P3H2: variants seen among roughly 807,000 people sequenced by gnomAD.
The protein encoded by P3H2 is leprecan-like 1.
In P3H2, 80 loss-of-function variants were observed where a neutral mutation model predicts 87.0. The observed-to-expected ratio is 0.92, with a 90% CI of 0.77 to 1.11. The LOEUF (loss-of-function observed/expected upper bound fraction) is 1.11, where lower values mean the gene tolerates loss of function less well. P3H2 is among the 50% of genes least tolerant of loss of function. The pLI is 0.00. For synonymous variants in P3H2, 367 were observed against 359.3 expected (o/e 1.02, Z -0.24); for missense variants, 1,001 against 923.9 (o/e 1.08, Z -1.08).
At chr3:190,100,592 T>C (rs757340121) in intron 1 of P3H2, among the ~76,000 whole-genome samples, 1 of 152,140 alleles carries the variant, frequency 6.6e-6, no homozygotes, top group Non-Finnish European at 1.5e-5. Flanking sequence ...AGGTTAACTA[T>C]TATAAAGCCC....
intron 1 of P3H2, among the ~76,000 whole-genome samples, chr3:190,052,820 T>C (rs1047830039): frequency 3.9e-5 from 6 of 151,936 alleles, no homozygotes; most frequent in Non-Finnish European, 8.8e-5. Flanking sequence ...GGCATATGCA[T>C]TCCCCCATGA....
At chr3:190,113,231 C>T (rs1181679408) in intron 1 of P3H2, among the ~76,000 whole-genome samples, 1 of 152,204 alleles carries the variant, frequency 6.6e-6, no homozygotes, top group African/African-American at 2.4e-5. Context: ...GGGCCAAGCT[C>T]CATTTGCTTT....
chr3:190,100,530 T>C (rs1311805222), intron 1 of P3H2, among the ~76,000 whole-genome samples: 1 of 152,088 alleles, frequency 6.6e-6, no homozygotes, highest in Non-Finnish European at 1.5e-5. Context: ...ACTTCCAAGA[T>C]TACATATTAC....
At chr3:190,071,014 C>CT (rs1726681152) in intron 1 of P3H2, among the ~76,000 whole-genome samples, 1 of 152,182 alleles carries the variant, frequency 6.6e-6, no homozygotes, top group African/African-American at 2.4e-5. Flanking sequence ...ATAATTTTGG[C>CT]TTTTTTCCGG....
At chr3:190,043,231 A>G (rs1725698230) in intron 1 of P3H2, among the ~76,000 whole-genome samples, 1 of 152,204 alleles carries the variant, frequency 6.6e-6, no homozygotes, top group Admixed American at 6.5e-5. Flanking sequence ...GATCTCATAT[A>G]AGGCTTATTA....
intron 1 of P3H2, among the ~76,000 whole-genome samples, chr3:190,061,532 T>A (rs1007052): frequency 0.12 from 17,745 of 152,094 alleles, 2,891 homozygotes; most frequent in African/African-American, 0.36. Context: ...CAGGTTACCC[T>A]GTTTGTGTTT....
At chr3:190,046,080 A>G (rs1030957503) in intron 1 of P3H2, among the ~76,000 whole-genome samples, 15 of 149,366 alleles carry the variant, frequency 1.0e-4, no homozygotes, top group East Asian at 6.0e-4. Context: ...CTGAGATCGC[A>G]CCACTGCACT....
chr3:189,962,161 C>CTTTTTTTTTTTTTTTTTT (rs770628547), intron 14 of P3H2, among the ~76,000 whole-genome samples: 7 of 87,648 alleles, frequency 8.0e-5, no homozygotes, highest in African/African-American at 1.9e-4. Flanking sequence ...TCTTCTTCTT[C>CTTTTTTTTTTTTTTTTTT]TTTTTTTTTT....
chr3:190,012,617 TTGAC>T (rs1724629397), intron 1 of P3H2, among the ~76,000 whole-genome samples: 3 of 152,182 alleles, frequency 2.0e-5, no homozygotes. Context: ...TTCCAAATCT[TTGAC>T]TGATTATTTC....
chr3:190,112,053 A>G (rs1339930130), intron 1 of P3H2, among the ~76,000 whole-genome samples: 2 of 152,304 alleles, frequency 1.3e-5, no homozygotes, highest in Middle Eastern at 3.4e-3. Flanking sequence ...AATTTTCCCC[A>G]TGGGTCTTGT....
intron 1 of P3H2, among the ~76,000 whole-genome samples, chr3:190,077,880 T>C (rs1726921184): frequency 6.6e-6 from 1 of 150,688 alleles, no homozygotes; most frequent in South Asian, 2.1e-4. Flanking sequence ...AATTTCAACT[T>C]GTACCAGAGC....
intron 1 of P3H2, among the ~76,000 whole-genome samples, chr3:190,000,509 T>A (rs76964195): frequency 2.0e-5 from 3 of 152,340 alleles, no homozygotes; most frequent in Non-Finnish European, 4.4e-5. Context: ...TATTAAGTGC[T>A]ATGAAGAAAT....
intron 1 of P3H2, among the ~76,000 whole-genome samples, chr3:190,111,427 T>G (rs1252543505): frequency 6.6e-6 from 1 of 152,162 alleles, no homozygotes; most frequent in Non-Finnish European, 1.5e-5. Flanking sequence ...CTTTTGGCCT[T>G]TATTTTCCAT....
intron 1 of P3H2, among the ~76,000 whole-genome samples, chr3:190,113,793 G>A (rs556804579): frequency 2.0e-4 from 30 of 152,088 alleles, no homozygotes; most frequent in Non-Finnish European, 3.1e-4. Context: ...CATTGTTAAA[G>A]GAGGCCGGGC....
chr3:190,041,061 C>T (rs1311579803), intron 1 of P3H2, among the ~76,000 whole-genome samples: 1,239 of 38,842 alleles, frequency 0.032, 107 homozygotes, highest in Admixed American at 0.057. Flanking sequence ...CACACACACA[C>T]ACACACACAC....
At chr3:190,021,218 T>C (rs1724920144) in intron 1 of P3H2, among the ~76,000 whole-genome samples, 1 of 134,834 alleles carries the variant, frequency 7.4e-6, no homozygotes, top group Non-Finnish European at 1.7e-5. Flanking sequence ...CTTGCGAGGT[T>C]CCAGAGATTT....
At chr3:190,077,009 A>G (rs972875202) in intron 1 of P3H2, among the ~76,000 whole-genome samples, 1 of 152,198 alleles carries the variant, frequency 6.6e-6, no homozygotes, top group Non-Finnish European at 1.5e-5. Context: ...TCACCTATCT[A>G]CTGCTGAGCC....
intron 14 of P3H2, among the ~76,000 whole-genome samples, chr3:189,960,611 A>G (rs1049302427): frequency 1.3e-5 from 2 of 152,288 alleles, no homozygotes; most frequent in South Asian, 4.1e-4. Context: ...GCTGCTAAGG[A>G]TTCTTACCAA....
At chr3:190,028,518 G>T (rs1725152718) in intron 1 of P3H2, among the ~76,000 whole-genome samples, 1 of 152,258 alleles carries the variant, frequency 6.6e-6, no homozygotes, top group Non-Finnish European at 1.5e-5. Context: ...CCATATCTGA[G>T]GGGCTCTCTC....
Sources: gnomAD v4.1 joint callset for allele counts (sites outside exome capture counted in the v4.1 genomes callset) on GRCh38, gnomAD v4.1.1 for gene constraint, MANE v1.5 for transcripts, NCBI Gene and HGNC (gene_info 2026-07-23, HGNC 2026-07-21) for gene names.